CD276: variants seen among roughly 807,000 people sequenced by gnomAD.
The protein encoded by CD276 is CD276 antigen.
A neutral mutation model predicts 50.0 loss-of-function variants in CD276; 34 were observed. The observed-to-expected ratio is 0.68, with a 90% CI of 0.52 to 0.91. The LOEUF is 0.91. Ranked by LOEUF, CD276 falls within the 40% of genes least tolerant of loss-of-function variation. CD276 has a pLI of 0.00. For missense variants in CD276, 634 were observed against 717.5 expected (o/e 0.88, Z 1.33); for synonymous variants, 275 against 313.0 (o/e 0.88, Z 1.28).
chr15:73,709,447 C>A, intron 7 of CD276: 1 of 570,656 alleles, frequency 1.8e-6, no homozygotes, highest in Non-Finnish European at 3.1e-6. Context: ...GGGCTCCAGG[C>A]TGGGAGCCCC....
chr15:73,704,079 C>T lies in CD276; in HGVS notation c.1072+82C>T, dbSNP rs1900541203. 1 of 1,560,194 alleles carries T rather than the reference C, an allele frequency of 6.4e-7. No homozygotes were observed. Among genetic ancestry groups the T allele is most frequent in the Non-Finnish European group, 8.7e-7 (1 of 1,152,130 alleles). Reference sequence around the variant, plus strand: ...CCCACCCTCTGCTGCACCACTGCTCCCAGAACCCCAGTGCTGATTCCTGTA... The same window carrying T: ...CCCACCCTCTGCTGCACCACTGCTCTCAGAACCCCAGTGCTGATTCCTGTA... On this transcript the variant is annotated intron_variant, in intron 5 of 9. Coordinates refer to ENST00000318443, the MANE Select transcript of CD276 (RefSeq NM_001024736.2). This position sits in a 1 kb window ranked among gnomAD's most constrained non-coding sequence, Gnocchi z 4.1.
Position 73,702,944 on chromosome 15 carries a change from C to T in CD276, c.591C>T (p.Asn197=), listed in dbSNP as rs567423683. The T allele has an allele frequency of 8.0e-5, 129 of 1,614,176 alleles. 3 individuals are homozygous for T. The South Asian group carries it at 1.2e-3, about 14-fold the overall frequency. ...ACGTGACCACGTCGCAGATGGCCAA[C>T]GAGCAGGGCTTGTTTGATGTGCACA... ...TGNVTTSQMA[N]EQGLFDVHSI... Residue 197 remains asparagine, a synonymous_variant, in exon 4 of 10, where the codon AAC becomes AAT. Coordinates refer to ENST00000318443, the MANE Select transcript of CD276 (RefSeq NM_001024736.2).
At chr15:73,706,260 TAAAATA>T (rs796539485) in intron 6 of CD276, among the ~76,000 whole-genome samples, 6 of 152,074 alleles carry the variant, frequency 3.9e-5, no homozygotes, top group African/African-American at 1.4e-4. Flanking sequence ...AAAAAATAAA[TAAAATA>T]AAAATAAAGT....
chr15:73,699,501 C>G, intron 1 of CD276, 85 bp from the exon 2 acceptor site: 2 of 1,509,544 alleles, frequency 1.3e-6, no homozygotes, highest in South Asian at 1.2e-5. Flanking sequence ...TGCAGCCTTC[C>G]CCACTCTGGT....
At chr15:73,712,861 A>G in intron 9 of CD276, 73 bp from the exon 10 acceptor site, 2 of 1,518,904 alleles carry the variant, frequency 1.3e-6, no homozygotes, top group Non-Finnish European at 1.8e-6. Context: ...CTTCTGGCAT[A>G]ATCCCAAAAA....
intron 1 of CD276, among the ~76,000 whole-genome samples, chr15:73,686,857 G>C (rs866012415): frequency 6.6e-6 from 1 of 152,180 alleles, no homozygotes; most frequent in Non-Finnish European, 1.5e-5. Flanking sequence ...CTGTTAAGCT[G>C]TGGATCTGAG....
intron 7 of CD276, 92 bp downstream of exon 7, chr15:73,708,565 T>TAGAA: frequency 1.4e-6 from 2 of 1,406,344 alleles, no homozygotes; most frequent in Non-Finnish European, 1.9e-6. Context: ...TGTCACTTTC[T>TAGAA]AGTGACAGAA....
At chr15:73,708,104 T>C (rs1315315459) in intron 6 of CD276, among the ~76,000 whole-genome samples, 1 of 152,204 alleles carries the variant, frequency 6.6e-6, no homozygotes. Context: ...TGAGCATCAA[T>C]TCAACCACAG....
At chr15:73,701,323 C>T (rs1170567751) in intron 2 of CD276, among the ~76,000 whole-genome samples, 1 of 152,196 alleles carries the variant, frequency 6.6e-6, no homozygotes, top group East Asian at 1.9e-4. Context: ...CTGGCCTCCC[C>T]CTTGCCCTGC....
rs1567024629 is a variant in CD276 at position 73,711,123 on chromosome 15, C to CA, written c.1547-12_1547-11insA. On this transcript the variant is annotated splice_polypyrimidine_tract_variant and intron_variant, in intron 8 of 9. Coordinates refer to ENST00000318443, the MANE Select transcript of CD276 (RefSeq NM_001024736.2). The stretch of plus-strand genomic sequence containing the variant: ...TTCCTCCCTCACCGTGTGCGCCTTC[C>CA]TTTTTTTACAGCCCTGCAGCCTCTG... The CA allele has an allele frequency of 6.2e-7, 1 of 1,613,918 alleles. No individual in the cohort carries two copies. The highest frequency in any genetic ancestry group is 1.7e-5 in the Admixed American group (1 of 60,016).
chr15:73,712,803 T>G, intron 9 of CD276, 131 bp from the exon 10 acceptor site: 1 of 919,844 alleles, frequency 1.1e-6, no homozygotes, highest in East Asian at 2.6e-5. Flanking sequence ...TCCGTTGGGC[T>G]GCTGTCTCAC....
intron 1 of CD276, among the ~76,000 whole-genome samples, chr15:73,692,726 A>G (rs1004243951): frequency 6.6e-6 from 1 of 152,272 alleles, no homozygotes; most frequent in Non-Finnish European, 1.5e-5. Flanking sequence ...TTCATATTGC[A>G]TGCATGGCCA....
chr15:73,702,285 C>T lies in CD276; in HGVS notation c.110C>T (p.Pro37Leu), dbSNP rs1289461498. ...CTGGAGGTCCAGGTCCCTGAAGACC[C>T]AGTGGTGGCACTGGTGGGCACCGAT... ...GALEVQVPED[P>L]VVALVGTDAT... is the part of the protein sequence containing the mutation. The change falls in exon 3 of 10, where the codon CCA (proline) becomes CTA (leucine). Residue 37 changes from proline to leucine, a missense_variant. Coordinates refer to ENST00000318443, the MANE Select transcript of CD276 (RefSeq NM_001024736.2). The T allele has an allele frequency of 6.2e-7, 1 of 1,612,586 alleles. No individual in the cohort carries two copies. Among genetic ancestry groups the T allele is most frequent in the Non-Finnish European group, 8.5e-7 (1 of 1,179,636 alleles).
chr15:73,706,829 G>A (rs1443737326), intron 6 of CD276, among the ~76,000 whole-genome samples: 1 of 152,192 alleles, frequency 6.6e-6, no homozygotes, highest in South Asian at 2.1e-4. Context: ...GGGTGAACAG[G>A]GCAAATGTAA....
Position 73,697,272 on chromosome 15 carries a change from T to A in CD276, c.-54-2314T>A, listed in dbSNP as rs565766522. Among the ~76,000 whole-genome samples the A allele has an allele frequency of 1.3e-4, 20 of 151,800 alleles. No individual in the cohort carries two copies. In the South Asian group the frequency reaches 4.2e-3, roughly 32 times the overall value. On this transcript the variant is annotated intron_variant, in intron 1 of 9. Coordinates refer to ENST00000318443, the MANE Select transcript of CD276 (RefSeq NM_001024736.2). ...GTGGCTGCTCAGGGCTTCCCCACTG[T>A]AGACAGCTGGGAGAGAAGGGGGGCT...
chr15:73,698,278 C>T (rs1213854706), intron 1 of CD276, among the ~76,000 whole-genome samples: 1 of 152,196 alleles, frequency 6.6e-6, no homozygotes, highest in African/African-American at 2.4e-5. Context: ...TCTGCATTCC[C>T]ACACTCATAC....
At chr15:73,685,337 G>A (rs983246359) in intron 1 of CD276, among the ~76,000 whole-genome samples, 1 of 152,106 alleles carries the variant, frequency 6.6e-6, no homozygotes, top group African/African-American at 2.4e-5. Context: ...GCAGCCTAAG[G>A]CAGGGGATTT....
chr15:73,689,711 A>G (rs1252737341), intron 1 of CD276, among the ~76,000 whole-genome samples: 1 of 152,222 alleles, frequency 6.6e-6, no homozygotes, highest in Non-Finnish European at 1.5e-5. Context: ...AGGAAGTGAC[A>G]GAGTCTGGAT....
chr15:73,708,571 CAG>C lies in CD276; in HGVS notation c.1504+100_1504+101del, dbSNP rs1900747730. On this transcript the variant is annotated intron_variant, in intron 7 of 9. Transcript: ENST00000318443. ...TCAATAGAGTGTCACTTTCTAGTGA[CAG>C]AACGAGTGTGTGTGTGCAGATGGGG... The C allele has an allele frequency of 3.6e-6, 5 of 1,399,260 alleles. No individual in the cohort carries two copies. In the Admixed American group the frequency reaches 1.0e-4, roughly 29 times the overall value. 86.7% of individuals were successfully genotyped at this position (1,399,260 alleles called of 1,614,324 possible).
Sources: gnomAD v4.1 joint callset for allele counts (sites outside exome capture counted in the v4.1 genomes callset) on GRCh38, gnomAD v4.1.1 for gene constraint, Gnocchi (gnomAD v3.1) non-coding constraint, MANE v1.5 for transcripts, NCBI Gene and HGNC (gene_info 2026-07-23, HGNC 2026-07-21) for gene names.